ETFA: variants seen among roughly 807,000 people sequenced by gnomAD.
The protein encoded by ETFA is electron transfer flavoprotein subunit alpha, mitochondrial.
Under a neutral mutation model 46.2 loss-of-function variants are expected in ETFA, and 22 were observed. The ratio of observed to expected loss-of-function variants is 0.48; its 90% CI spans 0.34 to 0.68. ETFA has a LOEUF of 0.68. ETFA is among the 30% of genes least tolerant of loss of function. ETFA has a pLI of 0.01. For missense variants in ETFA, 345 were observed against 401.1 expected (o/e 0.86, Z 1.19); for synonymous variants, 131 against 139.9 (o/e 0.94, Z 0.45).
In ETFA at chr15:76,216,212, A is replaced by T. The variant is rs1046532469; in HGVS notation, c.*347T>A. ...CTAAAACATAGAGCTCTCCATGAACAAGAAAGGCAAAAAAATAAATAAATA... is the reference window on the plus strand; with the variant it reads ...CTAAAACATAGAGCTCTCCATGAACTAGAAAGGCAAAAAAATAAATAAATA... On this transcript the variant is annotated 3_prime_UTR_variant, in exon 12 of 12. Transcript: ENST00000557943. 1 of 224,890 alleles carries T rather than the reference A, an allele frequency of 4.4e-6. No homozygotes were observed. Among genetic ancestry groups the T allele is most frequent in the African/African-American group, 2.4e-5 (1 of 41,058 alleles). The allele number at this position is 224,890 out of a possible 1,614,324, so 13.9% of individuals were successfully genotyped here. A position where few individuals can be genotyped will look rare whatever the true frequency, so the allele number is the denominator to read the frequency against.
intron 9 of ETFA, among the ~76,000 whole-genome samples, chr15:76,249,130 T>C (rs2039270906): frequency 7.7e-5 from 1 of 12,950 alleles, no homozygotes; most frequent in African/African-American, 3.7e-4. Context: ...ACCATAGTAA[T>C]TTTTTTTTTT....
chr15:76,291,741 T>G (rs1345322137), intron 4 of ETFA, among the ~76,000 whole-genome samples: 1 of 151,814 alleles, frequency 6.6e-6, no homozygotes, highest in Non-Finnish European at 1.5e-5. Flanking sequence ...ACAGTGAGAC[T>G]CCATCTCAAA....
intron 8 of ETFA, 67 bp downstream of exon 8, chr15:76,283,690 G>T: frequency 9.0e-7 from 1 of 1,106,194 alleles, no homozygotes; most frequent in Non-Finnish European, 1.4e-6. Flanking sequence ...ACACAAAAAT[G>T]AAATAATGAA....
intron 1 of ETFA, among the ~76,000 whole-genome samples, chr15:76,307,748 T>C (rs901264788): frequency 4.6e-5 from 7 of 152,256 alleles, no homozygotes; most frequent in African/African-American, 1.7e-4. Context: ...CCTCCCAAAG[T>C]GCTGGGATTA....
intron 1 of ETFA, among the ~76,000 whole-genome samples, chr15:76,303,136 T>G (rs1489641386): frequency 6.6e-6 from 1 of 151,972 alleles, no homozygotes; most frequent in African/African-American, 2.4e-5. Flanking sequence ...GAAACCCTGT[T>G]GTCTCTACTA....
At chr15:76,263,747 C>T (rs948065933) in intron 9 of ETFA, among the ~76,000 whole-genome samples, 8 of 152,146 alleles carry the variant, frequency 5.3e-5, no homozygotes, top group Middle Eastern at 3.4e-3. Flanking sequence ...CCATTTCAAA[C>T]GATGATGAGG....
At chr15:76,227,530 G>GAAAAAAAAAAAAAAAAA (rs1567196426) in intron 10 of ETFA, among the ~76,000 whole-genome samples, 5 of 44,978 alleles carry the variant, frequency 1.1e-4, no homozygotes, top group African/African-American at 3.1e-4. Context: ...AAAAAAAAAG[G>GAAAAAAAAAAAAAAAAA]AAAAGCTATC....
At position 76,251,699 on chromosome 15, in the gene ETFA, T is replaced by G. The variant is rs1056555723; in HGVS notation, c.817-20301A>C. On this transcript the variant is annotated intron_variant, in intron 9 of 11. Coordinates refer to ENST00000557943, the MANE Select transcript of ETFA (RefSeq NM_000126.4). ...ATACCACCCCACTTCAACTCCACTT[T>G]TTCCCATATTATACATGGGGCTTCC... Among the ~76,000 whole-genome samples the G allele has an allele frequency of 2.7e-4, 41 of 152,186 alleles. 1 individual carries two copies. Among genetic ancestry groups the G allele is most frequent in the Non-Finnish European group, 1.5e-5 (1 of 68,036 alleles).
intron 9 of ETFA, among the ~76,000 whole-genome samples, chr15:76,270,474 T>A (rs1425144192): frequency 6.6e-6 from 1 of 152,206 alleles, no homozygotes; most frequent in African/African-American, 2.4e-5. Flanking sequence ...TATATATGCA[T>A]ATATTTGCCT....
chr15:76,255,759 G>T (rs1041936054), intron 9 of ETFA, among the ~76,000 whole-genome samples: 3 of 152,104 alleles, frequency 2.0e-5, no homozygotes, highest in African/African-American at 7.2e-5. Flanking sequence ...ATAGCTTTTT[G>T]GAATCCCATG....
intron 9 of ETFA, among the ~76,000 whole-genome samples, chr15:76,250,245 T>C (rs866933225): frequency 6.6e-6 from 1 of 151,894 alleles, no homozygotes; most frequent in East Asian, 1.9e-4. Flanking sequence ...AGAACATATA[T>C]AGGACATTAC....
intron 9 of ETFA, among the ~76,000 whole-genome samples, chr15:76,238,096 A>G (rs547538035): frequency 6.6e-6 from 1 of 152,348 alleles, no homozygotes; most frequent in East Asian, 1.9e-4. Context: ...AGTTGAAATT[A>G]TGTGAGTTTA....
chr15:76,242,689 A>C (rs930995718), intron 9 of ETFA, among the ~76,000 whole-genome samples: 1 of 152,260 alleles, frequency 6.6e-6, no homozygotes, highest in Non-Finnish European at 1.5e-5. Flanking sequence ...AAATGTTTAC[A>C]GATGACTGGA....
At chr15:76,276,416 T>C (rs994513048) in intron 8 of ETFA, among the ~76,000 whole-genome samples, 3 of 152,136 alleles carry the variant, frequency 2.0e-5, no homozygotes, top group Non-Finnish European at 4.4e-5. Context: ...ATAGGCCTAG[T>C]TGAAGTTCTT....
chr15:76,292,742 A>C (rs1596223082), intron 2 of ETFA, 42 bp from the exon 3 acceptor site: 2 of 1,305,232 alleles, frequency 1.5e-6, no homozygotes, highest in Non-Finnish European at 2.2e-6. Context: ...ATCTATCAGA[A>C]ATATACAAAT....
chr15:76,283,201 A>C (rs964954890), intron 8 of ETFA, among the ~76,000 whole-genome samples: 1 of 152,212 alleles, frequency 6.6e-6, no homozygotes, highest in Middle Eastern at 3.4e-3. Context: ...TTTGTCTTTT[A>C]TTATTTTTGA....
intron 10 of ETFA, chr15:76,228,385 T>G (rs1323127230): frequency 1.0e-5 from 2 of 199,480 alleles, no homozygotes; most frequent in African/African-American, 4.7e-5. Flanking sequence ...GGGTTCTCAC[T>G]GTGTTGCCCA....
At chr15:76,293,094 A>C (rs1008281898) in intron 2 of ETFA, among the ~76,000 whole-genome samples, 1 of 152,348 alleles carries the variant, frequency 6.6e-6, no homozygotes, top group African/African-American at 2.4e-5. Flanking sequence ...CCAAGATCAC[A>C]CCACTTCACT....
intron 1 of ETFA, among the ~76,000 whole-genome samples, chr15:76,304,787 G>C (rs923730832): frequency 6.6e-6 from 1 of 152,106 alleles, no homozygotes; most frequent in Non-Finnish European, 1.5e-5. Context: ...GCTCACACCT[G>C]TAATCCCAGC....
Sources: gnomAD v4.1 joint callset for allele counts (sites outside exome capture counted in the v4.1 genomes callset) on GRCh38, gnomAD v4.1.1 for gene constraint, MANE v1.5 for transcripts, NCBI Gene and HGNC (gene_info 2026-07-23, HGNC 2026-07-21) for gene names.